The following TRPM1 variants were observed in gnomAD, a reference collection of about 807,000 sequenced individuals.
TRPM1 encodes TRPM1-203 APA Isoform, Intron 10.
Under a neutral mutation model 149.4 loss-of-function variants are expected in TRPM1, and 113 were observed. That is an observed-to-expected ratio of 0.76 (90% CI 0.65 to 0.88). TRPM1 has a LOEUF of 0.88. TRPM1 is among the 40% of genes least tolerant of loss of function. The pLI is 0.00. For missense variants in TRPM1, 1,976 were observed against 2,038.7 expected (o/e 0.97, Z 0.59); for synonymous variants, 741 against 759.5 (o/e 0.98, Z 0.40).
chr15:31,040,415 C>A lies in TRPM1; in HGVS notation c.2088-69G>T. The A allele has an allele frequency of 2.2e-6, 3 of 1,334,702 alleles. No individual in the cohort carries two copies. In the South Asian group the frequency reaches 3.5e-5, roughly 16 times the overall value. The allele number at this position is 1,334,702 out of a possible 1,614,324, so 82.7% of individuals were successfully genotyped here. Reference sequence around the variant, plus strand: ...CAAGCTGTTTCTTAGACAGGCATATCCACCAAGGACTTATGGAGCCACGGG... The same window carrying A: ...CAAGCTGTTTCTTAGACAGGCATATACACCAAGGACTTATGGAGCCACGGG... On this transcript the variant is annotated intron_variant, in intron 17 of 27. Transcript: ENST00000256552. The surrounding 1 kb of genome is among the most constrained non-coding windows in gnomAD (Gnocchi z 4.2).
At chr15:31,086,464 C>T (rs12909383) in intron 1 of TRPM1, among the ~76,000 whole-genome samples, 68,289 of 152,146 alleles carry the variant, frequency 0.45, 15,797 homozygotes, top group East Asian at 0.76. Flanking sequence ...CAGAGGGGAC[C>T]CAGGCACAGC....
intron 21 of TRPM1, among the ~76,000 whole-genome samples, chr15:31,034,367 C>T (rs1396991748): frequency 6.6e-6 from 1 of 152,224 alleles, no homozygotes; most frequent in Non-Finnish European, 1.5e-5. Flanking sequence ...CCTCCCATAT[C>T]CCCTGGAGCT....
At chr15:31,049,634 T>C in intron 12 of TRPM1, 125 bp from the exon 13 acceptor site, 1 of 1,080,470 alleles carries the variant, frequency 9.3e-7, no homozygotes. Context: ...AGCATGGTAC[T>C]CTTTGCTCTT....
Position 31,003,034 on chromosome 15 carries a change from A to C in TRPM1, c.3666T>G (p.Asn1222Lys). ...ENMSMRLEEI[N>K]ERETFMKTSL... ...AAGTTTTCATAAAAGTTTCTCTTTC[A>C]TTGATTTCTTCCAACCTCATTGACA... is the stretch of plus-strand genomic sequence containing the variant. The change falls in exon 28 of 28, where the codon AAT becomes AAG. Residue 1222 changes from asparagine (N) to lysine (K), a missense_variant. Asn to Lys is a moderately conservative substitution (Grantham distance 94, BLOSUM62 0). Around this residue, in one of 3 missense-constraint regions of TRPM1, gnomAD observed 572 missense variants for 578.9 expected, o/e 0.99. Coordinates refer to ENST00000256552, the MANE Select transcript of TRPM1 (RefSeq NM_001252024.2). 3 of 1,599,902 alleles carry C rather than the reference A, an allele frequency of 1.9e-6. No individual in the cohort carries two copies. Among genetic ancestry groups the C allele is most frequent in the Non-Finnish European group, 2.6e-6 (3 of 1,176,106 alleles).
At chr15:31,035,138 G>A (rs551102434) in intron 21 of TRPM1, among the ~76,000 whole-genome samples, 56 of 152,274 alleles carry the variant, frequency 3.7e-4, no homozygotes, top group African/African-American at 1.2e-3. Flanking sequence ...CTGAGTAGCC[G>A]AAATTACAGG....
intron 4 of TRPM1, 85 bp from the exon 5 acceptor site, chr15:31,068,177 A>G (rs2034436186): frequency 2.5e-6 from 3 of 1,216,930 alleles, no homozygotes; most frequent in Non-Finnish European, 3.6e-6. Flanking sequence ...CTCATGTCCA[A>G]GCAAGAACTG....
chr15:31,064,247 T>A (rs1361050383), intron 7 of TRPM1, among the ~76,000 whole-genome samples: 1 of 152,224 alleles, frequency 6.6e-6, no homozygotes, highest in African/African-American at 2.4e-5. Context: ...GACGTTTCTG[T>A]CTTCAGTGGC....
In TRPM1 at chr15:31,002,810, T is replaced by A; in HGVS notation, c.3890A>T (p.Tyr1297Phe). Residue 1297 changes from tyrosine (Y) to phenylalanine (F), a missense_variant, in exon 28 of 28, where the codon TAT (tyrosine) becomes TTT (phenylalanine). Around this residue, in one of 3 missense-constraint regions of TRPM1, gnomAD observed 572 missense variants for 578.9 expected, o/e 0.99. Transcript: ENST00000256552. ...NSADGYSLYRYHFNGEELLFE... is the reference protein window; with the variant it reads ...NSADGYSLYRFHFNGEELLFE... ...TAATAACTCTTCTCCGTTAAAATGA[T>A]ATCGATACAAGCTGTAGCCATCAGC... 6.2e-7 allele frequency: 1 copy of A among 1,614,224 alleles called. No individual in the cohort carries two copies. The highest frequency in any genetic ancestry group is 8.5e-7 in the Non-Finnish European group (1 of 1,180,034).
chr15:31,022,124 T>C (rs2032570911), intron 27 of TRPM1, among the ~76,000 whole-genome samples: 1 of 152,230 alleles, frequency 6.6e-6, no homozygotes, highest in African/African-American at 2.4e-5. Flanking sequence ...CAAAATTTTG[T>C]CAGGAAAGAT....
At chr15:31,156,022 C>A (rs1005689747) in intron 1 of TRPM1, among the ~76,000 whole-genome samples, 2 of 151,762 alleles carry the variant, frequency 1.3e-5, no homozygotes, top group East Asian at 3.9e-4. Context: ...CATGGTGAAA[C>A]CCCGTCTCTA....
intron 4 of TRPM1, 148 bp downstream of exon 4, chr15:31,069,883 G>T (rs905471717): frequency 1.3e-6 from 2 of 1,599,400 alleles, no homozygotes; most frequent in Non-Finnish European, 1.7e-6. Context: ...CATGTGCACA[G>T]ATATATCTCT....
chr15:31,076,034 T>C (rs1191459086), intron 3 of TRPM1, among the ~76,000 whole-genome samples: 2 of 152,180 alleles, frequency 1.3e-5, no homozygotes, highest in Non-Finnish European at 2.9e-5. Context: ...CAGGATGGCC[T>C]ATGTGCCATT....
chr15:31,119,623 T>C (rs1381307181), intron 1 of TRPM1, among the ~76,000 whole-genome samples: 2 of 152,014 alleles, frequency 1.3e-5, no homozygotes, highest in Non-Finnish European at 2.9e-5. Context: ...TTTTTCTTAA[T>C]TTATCTAACA....
intron 1 of TRPM1, among the ~76,000 whole-genome samples, chr15:31,130,708 G>A (rs1050360805): frequency 6.6e-6 from 1 of 152,076 alleles, no homozygotes; most frequent in African/African-American, 2.4e-5. Flanking sequence ...CTGGTCTTGT[G>A]GCCCCCACCC....
chr15:31,148,662 G>A (rs1273897515), intron 1 of TRPM1, among the ~76,000 whole-genome samples: 2 of 152,202 alleles, frequency 1.3e-5, no homozygotes, highest in Non-Finnish European at 2.9e-5. Context: ...GTCTATTTCA[G>A]CAGCCTGTCA....
chr15:31,071,980 CATAT>C (rs71471861), intron 3 of TRPM1, among the ~76,000 whole-genome samples: 2,313 of 76,390 alleles, frequency 0.03, 54 homozygotes, highest in African/African-American at 0.034. Context: ...AAAAAAAAAA[CATAT>C]ATATATATAT....
At position 31,076,955 on chromosome 15, in the gene TRPM1, A is replaced by T; in HGVS notation, c.33T>A (p.Phe11Leu). ...TTACAAAGATACATTCCCGTTTGCA[A>T]AAGGTTTTCTCTATCCAAGATTTCT... is the stretch of plus-strand genomic sequence containing the variant. MGQKSWIEKT[F>L]CKRECIFVIP... Residue 11 changes from phenylalanine to leucine, a missense_variant, in exon 3 of 28, where the codon TTT becomes TTA. Phe to Leu is a conservative substitution (Grantham distance 22, BLOSUM62 0). This residue lies in a region of TRPM1 where 1,332 missense variants were observed against 1,347.1 expected (regional missense o/e 0.99). Transcript: ENST00000256552. 1.2e-6 allele frequency: 2 copies of T among 1,612,784 alleles called. No homozygotes were observed.
chr15:31,043,163 C>A (rs1047058036), intron 16 of TRPM1, among the ~76,000 whole-genome samples: 2 of 152,126 alleles, frequency 1.3e-5, no homozygotes, highest in African/African-American at 4.8e-5. Flanking sequence ...CAATTCCTAT[C>A]TCAGGTTGTT....
intron 1 of TRPM1, among the ~76,000 whole-genome samples, chr15:31,094,939 C>T (rs371373933): frequency 1.6e-4 from 24 of 152,346 alleles, no homozygotes; most frequent in African/African-American, 5.8e-4. Flanking sequence ...CTATTCATAA[C>T]AGCCAAATGG....
Sources: allele counts gnomAD v4.1 joint callset (sites outside exome capture counted in the v4.1 genomes callset), GRCh38; gene constraint gnomAD v4.1.1; regional missense constraint gnomAD v4.1.1; non-coding constraint Gnocchi (gnomAD v3.1); transcripts MANE v1.5; gene names NCBI Gene and HGNC (gene_info 2026-07-23, HGNC 2026-07-21).